The following MAP3K5 variants were observed in gnomAD, a reference collection of about 807,000 sequenced individuals.
MAP3K5 encodes ASK-1.
Under a neutral mutation model 158.7 loss-of-function variants are expected in MAP3K5, and 56 were observed. The ratio of observed to expected loss-of-function variants is 0.35; its 90% confidence interval spans 0.28 to 0.44. The LOEUF is 0.44. Ranked by LOEUF, MAP3K5 falls within the 20% of genes least tolerant of loss-of-function variation. MAP3K5 has a pLI of 1.00. For synonymous variants in MAP3K5, 579 were observed against 601.7 expected (o/e 0.96, Z 0.55); for missense variants, 1,294 against 1,674.8 (o/e 0.77, Z 3.97).
chr6:136,792,546 GCGCC>G (rs1785133353), upstream of MAP3K5: 1 of 24,420 alleles, frequency 4.1e-5, no homozygotes, highest in South Asian at 9.7e-4. This position sits in a 1 kb window ranked among gnomAD's most constrained non-coding sequence, Gnocchi z 5.7. Flanking sequence ...GCCACCCGCC[GCGCC>G]GCGCCGCGCC....
chr6:136,588,841 A>T (rs1469102730), intron 23 of MAP3K5, among the ~76,000 whole-genome samples: 2 of 152,050 alleles, frequency 1.3e-5, no homozygotes, highest in Non-Finnish European at 2.9e-5. Context: ...TCCTCCCTGG[A>T]CTCAGAGGCC....
chr6:136,627,985 C>T (rs7741182), intron 14 of MAP3K5, among the ~76,000 whole-genome samples: 18,081 of 152,044 alleles, frequency 0.12, 2,354 homozygotes, highest in East Asian at 0.32. Flanking sequence ...ATTTGCTTAA[C>T]TAATTAATCA....
intron 1 of MAP3K5, among the ~76,000 whole-genome samples, chr6:136,764,301 A>T (rs1401254016): frequency 6.6e-6 from 1 of 152,180 alleles, no homozygotes; most frequent in African/African-American, 2.4e-5. Flanking sequence ...GACAAAAATA[A>T]TGTTCTGAGA....
At chr6:136,662,346 G>A (rs556789401) in intron 8 of MAP3K5, among the ~76,000 whole-genome samples, 7 of 152,316 alleles carry the variant, frequency 4.6e-5, no homozygotes, top group East Asian at 3.9e-4. Flanking sequence ...TTTTTTAACC[G>A]CTGAGATTGG....
At chr6:136,737,718 G>A (rs887373121) in intron 1 of MAP3K5, among the ~76,000 whole-genome samples, 1 of 152,222 alleles carries the variant, frequency 6.6e-6, no homozygotes, top group African/African-American at 2.4e-5. Context: ...GCAAAGTACT[G>A]AGAAGGGGTC....
In MAP3K5 at chr6:136,567,527, T is replaced by C. The variant is rs140341523; in HGVS notation, c.3761+104A>G. ...TTATAAAGAAAGGCATTCAATCAAG[T>C]TTCCATGAATGGGATAAGGGAATCA... On this transcript the variant is annotated intron_variant, in intron 26 of 29. Transcript: ENST00000359015. 1.2e-3 allele frequency: 1,407 copies of C among 1,213,782 alleles called. 1 individual carries two copies. The highest frequency in any genetic ancestry group is 1.5e-3 in the Non-Finnish European group (1,338 of 884,446). 75.2% of individuals were successfully genotyped at this position (1,213,782 alleles called of 1,614,324 possible).
chr6:136,694,232 T>G lies in MAP3K5; in HGVS notation c.1161A>C (p.Ser387=), dbSNP rs1176136756. Reference sequence around the variant, plus strand: ...TTCGACCAACTAGGCAATACATATCTGAAGCAACTTGTCCTTCGCTTTGCA... The same window carrying G: ...TTCGACCAACTAGGCAATACATATCGGAAGCAACTTGTCCTTCGCTTTGCA... ...PMVQSEGQVA[S]DMYCLVGRIY... The change falls in exon 7 of 30, where the codon TCA becomes TCC. Residue 387 remains serine (S), a synonymous_variant. Coordinates refer to ENST00000359015, the MANE Select transcript of MAP3K5 (RefSeq NM_005923.4). The G allele has an allele frequency of 1.2e-6, 2 of 1,613,774 alleles. No individual in the cohort carries two copies. Among genetic ancestry groups the G allele is most frequent in the Admixed American group, 3.3e-5 (2 of 60,018 alleles).
chr6:136,745,505 C>A (rs1177790910), intron 1 of MAP3K5, among the ~76,000 whole-genome samples: 1 of 152,114 alleles, frequency 6.6e-6, no homozygotes, highest in African/African-American at 2.4e-5. Flanking sequence ...TGGGAACGCT[C>A]CCCACTGAAT....
intron 12 of MAP3K5, among the ~76,000 whole-genome samples, chr6:136,641,213 T>C (rs1364832446): frequency 6.6e-6 from 1 of 152,196 alleles, no homozygotes; most frequent in Non-Finnish European, 1.5e-5. Flanking sequence ...TCTTGCTTGT[T>C]TCTGTTCAGA....
intron 20 of MAP3K5, 83 bp from the exon 21 acceptor site, chr6:136,601,125 C>T (rs1775856706): frequency 2.3e-6 from 3 of 1,332,882 alleles, no homozygotes; most frequent in East Asian, 2.4e-5. Context: ...AAATGAATGC[C>T]TGAAATGGGG....
At chr6:136,617,703 G>A (rs1237586867) in intron 15 of MAP3K5, among the ~76,000 whole-genome samples, 1 of 152,170 alleles carries the variant, frequency 6.6e-6, no homozygotes, top group Non-Finnish European at 1.5e-5. Flanking sequence ...GGAGGCCAAG[G>A]TGGGCAGATC....
chr6:136,727,456 G>A (rs982647717), intron 1 of MAP3K5, among the ~76,000 whole-genome samples: 1 of 152,182 alleles, frequency 6.6e-6, no homozygotes, highest in Non-Finnish European at 1.5e-5. Context: ...CAGCTCTAGA[G>A]TCCAAGCTCT....
At chr6:136,602,347 C>T (rs1230541374) in intron 19 of MAP3K5, among the ~76,000 whole-genome samples, 1 of 152,104 alleles carries the variant, frequency 6.6e-6, no homozygotes, top group Non-Finnish European at 1.5e-5. Context: ...GTCACCCAGG[C>T]TGGAGTGCAG....
intron 27 of MAP3K5, among the ~76,000 whole-genome samples, chr6:136,562,117 T>C (rs186634894): frequency 2.4e-4 from 37 of 152,336 alleles, no homozygotes; most frequent in Admixed American, 1.7e-3. Flanking sequence ...ATCTTTATTC[T>C]ATTTAAGCCT....
intron 18 of MAP3K5, among the ~76,000 whole-genome samples, chr6:136,607,420 A>C (rs1340049100): frequency 6.6e-6 from 1 of 152,226 alleles, no homozygotes; most frequent in Non-Finnish European, 1.5e-5. Flanking sequence ...CAAGTGCCAG[A>C]AAAACAGGTT....
chr6:136,604,137 C>T (rs906338151), intron 19 of MAP3K5, among the ~76,000 whole-genome samples: 1 of 152,116 alleles, frequency 6.6e-6, no homozygotes, highest in East Asian at 1.9e-4. Context: ...GCCTGGGCAG[C>T]ATGGTGAAAC....
At chr6:136,591,328 G>C (rs1409526851) in intron 23 of MAP3K5, among the ~76,000 whole-genome samples, 1 of 152,256 alleles carries the variant, frequency 6.6e-6, no homozygotes, top group Non-Finnish European at 1.5e-5. Context: ...GTGTGGGTGT[G>C]TGTGTGTATG....
intron 25 of MAP3K5, among the ~76,000 whole-genome samples, chr6:136,570,833 G>A (rs181596549): frequency 1.8e-4 from 28 of 152,178 alleles, no homozygotes; most frequent in African/African-American, 6.0e-4. Flanking sequence ...GGAAACTACC[G>A]TTCTACTTTC....
chr6:136,582,181 T>C (rs922221250), intron 24 of MAP3K5, among the ~76,000 whole-genome samples: 3 of 151,876 alleles, frequency 2.0e-5, no homozygotes, highest in African/African-American at 4.8e-5. Context: ...AATTACATCA[T>C]AGGGCCCATA....
Sources: allele counts gnomAD v4.1 joint callset (sites outside exome capture counted in the v4.1 genomes callset), GRCh38; gene constraint gnomAD v4.1.1; non-coding constraint Gnocchi (gnomAD v3.1); transcripts MANE v1.5; gene names NCBI Gene and HGNC (gene_info 2026-07-23, HGNC 2026-07-21).